The following ZNF254 variants were observed in gnomAD, a reference collection of about 807,000 sequenced individuals.
ZNF254 encodes zinc finger protein 254.
Under a neutral mutation model 12.4 loss-of-function variants are expected in ZNF254, and 10 were observed. That is an observed-to-expected ratio of 0.80 (90% confidence interval 0.50 to 1.36). ZNF254 has a LOEUF of 1.36. ZNF254 is among the 40% of genes most tolerant of loss of function. The probability of loss-of-function intolerance (pLI) is 0.00; values close to 1 mark genes in which losing one functional copy is unlikely to be tolerated. For missense variants in ZNF254, 996 were observed against 763.9 expected, an observed-to-expected ratio of 1.30 and a Z score of -3.58; for synonymous variants, 305 against 253.4, an observed-to-expected ratio of 1.20 and a Z score of -1.93.
intron 3 of ZNF254, among the ~76,000 whole-genome samples, chr19:24,113,868 A>T (rs964025463): frequency 6.6e-6 from 1 of 152,226 alleles, no homozygotes; most frequent in Non-Finnish European, 1.5e-5. Context: ...TACAACAATC[A>T]CAAGCATTCT....
At chr19:24,049,532 T>C (rs1185819032) in intron 2 of ZNF254, 2 of 152,124 alleles carry the variant, frequency 1.3e-5, no homozygotes, top group African/African-American at 4.8e-5. Context: ...TGACATATCG[T>C]TGGACCCAGA....
At chr19:24,116,867 T>C (rs138642777) in intron 3 of ZNF254, among the ~76,000 whole-genome samples, 2,678 of 152,120 alleles carry the variant, frequency 0.018, 48 homozygotes, top group Middle Eastern at 0.034. Context: ...TACAGATGGG[T>C]TTTTGGTGTG....
chr19:24,058,716 G>A (rs1970958150), intron 2 of ZNF254, among the ~76,000 whole-genome samples: 1 of 152,184 alleles, frequency 6.6e-6, no homozygotes, highest in Admixed American at 6.6e-5. Flanking sequence ...CCAGTGATGG[G>A]AGTTTTCTCT....
intron 1 of ZNF254, among the ~76,000 whole-genome samples, chr19:24,036,827 C>T (rs1969984209): frequency 6.6e-6 from 1 of 152,136 alleles, no homozygotes; most frequent in African/African-American, 2.4e-5. Flanking sequence ...AACCTGCTAC[C>T]ACCAATGATT....
chr19:24,097,725 A>G (rs1972755039), intron 1 of ZNF254, among the ~76,000 whole-genome samples: 1 of 151,842 alleles, frequency 6.6e-6, no homozygotes, highest in Non-Finnish European at 1.5e-5. Context: ...AGGTTGTGGT[A>G]AGCTGAGATC....
chr19:24,070,857 C>T (rs1253953343), intron 2 of ZNF254, among the ~76,000 whole-genome samples: 1 of 152,124 alleles, frequency 6.6e-6, no homozygotes, highest in Admixed American at 6.5e-5. Context: ...ATCACTGGTC[C>T]CTGCACCCAG....
chr19:24,121,671 C>T (rs1047108696), intron 3 of ZNF254, among the ~76,000 whole-genome samples: 1 of 152,090 alleles, frequency 6.6e-6, no homozygotes, highest in African/African-American at 2.4e-5. Flanking sequence ...GATTTTCCTG[C>T]CTCAGCCTCC....
chr19:24,107,096 A>G (rs1431234260), intron 3 of ZNF254: 1 of 461,062 alleles, frequency 2.2e-6, no homozygotes, highest in Non-Finnish European at 3.8e-6. Context: ...TCCTGTTTTC[A>G]TTACTGTAGT....
chr19:24,060,174 C>G (rs564518862), intron 2 of ZNF254, among the ~76,000 whole-genome samples: 1 of 152,186 alleles, frequency 6.6e-6, no homozygotes, highest in Non-Finnish European at 1.5e-5. Flanking sequence ...TGTAACATTC[C>G]TGCCAGGCCA....
intron 3 of ZNF254, among the ~76,000 whole-genome samples, chr19:24,123,751 T>G (rs1342484916): frequency 6.6e-6 from 1 of 152,070 alleles, no homozygotes; most frequent in African/African-American, 2.4e-5. Context: ...AATATTATAA[T>G]TTTTGACTTA....
At chr19:24,097,897 C>G (rs1293864519) in intron 1 of ZNF254, among the ~76,000 whole-genome samples, 4 of 151,734 alleles carry the variant, frequency 2.6e-5, no homozygotes, top group Non-Finnish European at 5.9e-5. Context: ...GTTGTCATAC[C>G]TTGGTTTCTA....
At chr19:24,077,935 T>TA (rs910063978) in intron 2 of ZNF254, among the ~76,000 whole-genome samples, 12 of 151,150 alleles carry the variant, frequency 7.9e-5, no homozygotes, top group Admixed American at 5.9e-4. Flanking sequence ...GAGGTGAAAA[T>TA]AAAAAAAAAG....
chr19:24,034,678 T>C (rs1284147492), intron 1 of ZNF254, among the ~76,000 whole-genome samples: 1 of 151,880 alleles, frequency 6.6e-6, no homozygotes, highest in African/African-American at 2.4e-5. Flanking sequence ...GGTTTCACCA[T>C]TTTGGCCAGG....
At chr19:24,073,567 C>T (rs1280766849) in intron 2 of ZNF254, among the ~76,000 whole-genome samples, 1 of 152,196 alleles carries the variant, frequency 6.6e-6, no homozygotes, top group African/African-American at 2.4e-5. Flanking sequence ...AGATTGTCAT[C>T]TTTCCACATG....
rs984345339 is a variant in ZNF254 at position 24,117,269 on chromosome 19, CTTGT to C, written c.254-8980_254-8977del. Among the ~76,000 whole-genome samples the C allele has an allele frequency of 8.3e-4, 126 of 152,266 alleles. 1 individual carries two copies. Among genetic ancestry groups the C allele is most frequent in the African/African-American group, 2.9e-3 (119 of 41,590 alleles). Reference sequence around the variant, plus strand: ...TTAAGTCTGCAGAGGTTACTGCTGTCTTGTTTGTCTGTGCCCTGCCCCCAGAGGT... The same window carrying C: ...TTAAGTCTGCAGAGGTTACTGCTGTCTTGTCTGTGCCCTGCCCCCAGAGGT... On this transcript the variant is annotated intron_variant, in intron 3 of 3. Transcript: ENST00000357002.
chr19:24,122,325 A>G (rs1974536946), intron 3 of ZNF254, among the ~76,000 whole-genome samples: 1 of 151,974 alleles, frequency 6.6e-6, no homozygotes, highest in Non-Finnish European at 1.5e-5. Context: ...CCTAGGTTCA[A>G]TTGATTCTCA....
At chr19:24,117,744 C>T (rs544106442) in intron 3 of ZNF254, among the ~76,000 whole-genome samples, 101 of 152,052 alleles carry the variant, frequency 6.6e-4, no homozygotes, top group African/African-American at 2.0e-3. Flanking sequence ...GAGATGAACC[C>T]GGTACCTCGG....
rs537890285 is a variant in ZNF254 at position 24,105,927 on chromosome 19, G to A, written c.31-13G>A. ...CCACTTTGTAAATATGTGTGTTTGT[G>A]TGTGTTTTCCAGGGACTGTTGACAT... On this transcript the variant is annotated splice_polypyrimidine_tract_variant and intron_variant, in intron 1 of 3. Transcript: ENST00000357002. The A allele has an allele frequency of 1.3e-6, 2 of 1,584,898 alleles. No homozygotes were observed. The highest frequency in any genetic ancestry group is 2.2e-5 in the South Asian group (2 of 90,794).
At chr19:24,112,368 T>G (rs1025151747) in intron 3 of ZNF254, among the ~76,000 whole-genome samples, 1 of 144,870 alleles carries the variant, frequency 6.9e-6, no homozygotes, top group African/African-American at 2.6e-5. Context: ...TAGTATAGTT[T>G]GAAGTCAGGT....
Sources: allele counts gnomAD v4.1 joint callset (sites outside exome capture counted in the v4.1 genomes callset), GRCh38; gene constraint gnomAD v4.1.1; transcripts MANE v1.5; gene names NCBI Gene and HGNC (gene_info 2026-07-23, HGNC 2026-07-21).